SUFU: variants seen among roughly 807,000 people sequenced by gnomAD.
SUFU encodes the protein SUFU negative regulator of hedgehog signaling, also known as suppressor of fused homolog.
Under a neutral mutation model 58.9 loss-of-function variants are expected in SUFU, and 7 were observed. The observed-to-expected ratio is 0.12, with a 90% CI of 0.07 to 0.22. The LOEUF is 0.22. Ranked by LOEUF, SUFU falls within the 10% of genes least tolerant of loss-of-function variation. SUFU has a pLI of 1.00. For missense variants in SUFU, 451 were observed against 641.3 expected, an observed-to-expected ratio of 0.70 and a Z score of 3.20; for synonymous variants, 232 against 254.8, an observed-to-expected ratio of 0.91 and a Z score of 0.85.
In SUFU at chr10:102,628,198, T is replaced by G. The variant is rs2063803767; in HGVS notation, c.1365+955T>G. Among the ~76,000 whole-genome samples, 2 of 152,074 alleles carry G rather than the reference T, an allele frequency of 1.3e-5. No individual in the cohort carries two copies. Among genetic ancestry groups the G allele is most frequent in the Non-Finnish European group, 2.9e-5 (2 of 67,998 alleles). ...CCAGCCAGGGCTGGAGCTTCCAGCT[T>G]CCAGGGCTCCCTGGGCTGCAACAGC... On this transcript the variant is annotated intron_variant, in intron 11 of 11. Transcript: ENST00000369902. The surrounding 1 kb of genome is among the most constrained non-coding windows in gnomAD (Gnocchi z 4.5).
At position 102,619,375 on chromosome 10, in the gene SUFU, G is replaced by A. The variant is rs1564708466; in HGVS notation, c.1296+1947G>A. ...CCCCAGCACATGGTCCCCTCCCATGGGCTGTTGCCCAGGGAACCGGGGCGC... is the reference window on the plus strand; with the variant it reads ...CCCCAGCACATGGTCCCCTCCCATGAGCTGTTGCCCAGGGAACCGGGGCGC... On this transcript the variant is annotated intron_variant, in intron 10 of 11. Coordinates refer to ENST00000369902, the MANE Select transcript of SUFU (RefSeq NM_016169.4). This position sits in a 1 kb window ranked among gnomAD's most constrained non-coding sequence, Gnocchi z 4.2. 1.4e-6 allele frequency: 2 copies of A among 1,404,422 alleles called. No homozygotes were observed. The highest frequency in any genetic ancestry group is 3.0e-5 in the Admixed American group (1 of 33,790). The allele number at this position is 1,404,422 out of a possible 1,614,324, so 87.0% of individuals were successfully genotyped here.
At chr10:102,572,948 T>A (rs963869820) in intron 3 of SUFU, 10 of 1,223,650 alleles carry the variant, frequency 8.2e-6, no homozygotes, top group African/African-American at 1.5e-5. Context: ...ACAAGTGTGT[T>A]GTTGTCTTCT....
chr10:102,531,113 G>C (rs576932966), intron 2 of SUFU, among the ~76,000 whole-genome samples: 2 of 150,482 alleles, frequency 1.3e-5, no homozygotes, highest in South Asian at 4.2e-4. Flanking sequence ...AATGTAATCA[G>C]GTGTAGTGGT....
chr10:102,509,969 G>A (rs1475284083), intron 2 of SUFU, among the ~76,000 whole-genome samples: 2 of 151,980 alleles, frequency 1.3e-5, no homozygotes, highest in Non-Finnish European at 2.9e-5. Context: ...CTCCCGAGTA[G>A]CTGGGACGAC....
chr10:102,607,775 C>T (rs1278156287), intron 8 of SUFU, among the ~76,000 whole-genome samples: 4 of 151,658 alleles, frequency 2.6e-5, no homozygotes, highest in Non-Finnish European at 2.9e-5. Flanking sequence ...TAGCTGGAAA[C>T]GGTTGCGTGC....
chr10:102,590,163 T>C (rs1475690150), intron 3 of SUFU, among the ~76,000 whole-genome samples: 1 of 134,706 alleles, frequency 7.4e-6, no homozygotes, highest in East Asian at 2.1e-4. Context: ...CTTTTTTCTT[T>C]TTTTTTTTTT....
chr10:102,586,006 T>C (rs1296377591), intron 3 of SUFU, among the ~76,000 whole-genome samples: 3 of 150,524 alleles, frequency 2.0e-5, no homozygotes, highest in African/African-American at 7.3e-5. Flanking sequence ...TGTCTCAACC[T>C]CCCTAGTAGC....
intron 3 of SUFU, among the ~76,000 whole-genome samples, chr10:102,583,314 T>C (rs2063301709): frequency 6.6e-6 from 1 of 152,190 alleles, no homozygotes. Flanking sequence ...AAGTTTCTGT[T>C]AGTGTCCTGC....
At chr10:102,536,556 G>T (rs1302876302) in intron 2 of SUFU, among the ~76,000 whole-genome samples, 1 of 150,276 alleles carries the variant, frequency 6.7e-6, no homozygotes, top group Non-Finnish European at 1.5e-5. Flanking sequence ...TAGAGACAGG[G>T]TTTCACCATG....
chr10:102,569,474 C>T (rs148796248), intron 3 of SUFU, among the ~76,000 whole-genome samples: 27 of 152,324 alleles, frequency 1.8e-4, no homozygotes, highest in Middle Eastern at 3.4e-3. Context: ...GAAAGCCCTG[C>T]ACTACCTGAG....
rs141532626 is a variant in SUFU at position 102,509,211 on chromosome 10, G to T, written c.225G>T (p.Arg75Ser). The T allele has an allele frequency of 3.1e-6, 5 of 1,614,098 alleles. No homozygotes were observed. In the African/African-American group the frequency reaches 6.7e-5, roughly 22 times the overall value. The change falls in exon 2 of 12, where the codon AGG (arginine) becomes AGT (serine). Residue 75 changes from arginine to serine, a missense_variant. By Grantham distance (110) the Arg-to-Ser change is moderately radical. Coordinates refer to ENST00000369902, the MANE Select transcript of SUFU (RefSeq NM_016169.4). ...PDPLDYVSMY[R>S]NVGSPSANIP... ...CCTTGGACTATGTTAGCATGTACAG[G>T]AATGTGGGGAGCCCTTCTGCTAACA...
At chr10:102,606,944 G>T (rs759079413) in intron 8 of SUFU, among the ~76,000 whole-genome samples, 33 of 152,174 alleles carry the variant, frequency 2.2e-4, no homozygotes, top group Non-Finnish European at 4.4e-4. Context: ...GCCAACTCAG[G>T]TGGGAGCGGG....
At chr10:102,508,219 C>T (rs2062354938) in intron 1 of SUFU, among the ~76,000 whole-genome samples, 1 of 152,092 alleles carries the variant, frequency 6.6e-6, no homozygotes, top group Admixed American at 6.5e-5. Flanking sequence ...AGTAATCCAC[C>T]CACTTCGGCC....
chr10:102,533,529 A>T (rs1008102893), intron 2 of SUFU, among the ~76,000 whole-genome samples: 3 of 152,108 alleles, frequency 2.0e-5, no homozygotes, highest in Non-Finnish European at 4.4e-5. Flanking sequence ...AGCCGTGATC[A>T]TGCCACTGCA....
At chr10:102,607,843 G>A (rs1273124201) in intron 8 of SUFU, among the ~76,000 whole-genome samples, 2 of 151,988 alleles carry the variant, frequency 1.3e-5, no homozygotes, top group Admixed American at 1.3e-4. Context: ...CCCAGGAGGT[G>A]GAGGTTGCAG....
chr10:102,523,344 C>G (rs556194513), intron 2 of SUFU, among the ~76,000 whole-genome samples: 1 of 152,274 alleles, frequency 6.6e-6, no homozygotes, highest in African/African-American at 2.4e-5. Context: ...CCTCCGACCA[C>G]CAGTTTCTCT....
intron 2 of SUFU, among the ~76,000 whole-genome samples, chr10:102,530,241 A>T (rs2062661227): frequency 6.6e-6 from 1 of 152,012 alleles, no homozygotes; most frequent in Non-Finnish European, 1.5e-5. Flanking sequence ...GTAATATGTT[A>T]ATAATTTCAT....
chr10:102,588,869 G>A (rs534498624), intron 3 of SUFU, among the ~76,000 whole-genome samples: 6 of 152,026 alleles, frequency 3.9e-5, no homozygotes, highest in Non-Finnish European at 7.4e-5. Flanking sequence ...TATATTTGAT[G>A]CTACTGTGAA....
chr10:102,504,326 C>A lies in SUFU; in HGVS notation c.174C>A (p.Val58=). The A allele has an allele frequency of 1.2e-6, 2 of 1,614,110 alleles. No individual in the cohort carries two copies. The highest frequency in any genetic ancestry group is 1.3e-5 in the African/African-American group (1 of 75,050). The change falls in exon 1 of 12, where the codon GTC becomes GTA. Residue 58 remains valine (V), a synonymous_variant. Coordinates refer to ENST00000369902, the MANE Select transcript of SUFU (RefSeq NM_016169.4). The part of the protein sequence containing the change: ...QPNPLQVTAI[V]KYWLGGPDPL... ...ACCCGCTCCAGGTTACCGCTATCGT[C>A]AAGTACTGGTATGCTCTGGGCCGCG...
Sources: allele counts gnomAD v4.1 joint callset (sites outside exome capture counted in the v4.1 genomes callset), GRCh38; gene constraint gnomAD v4.1.1; non-coding constraint Gnocchi (gnomAD v3.1); transcripts MANE v1.5; gene names NCBI Gene and HGNC (gene_info 2026-07-23, HGNC 2026-07-21).